Variants in GRIN2A observed in about 807,000 individuals in gnomAD.
GRIN2A encodes glutamate receptor ionotropic, NMDA 2A.
In GRIN2A, 22 loss-of-function variants were observed where a neutral mutation model predicts 113.4. That is an observed-to-expected ratio of 0.19 (90% CI 0.14 to 0.28). GRIN2A has a LOEUF of 0.28. Ranked by LOEUF, GRIN2A falls within the 10% of genes least tolerant of loss-of-function variation. The pLI is 1.00. For synonymous variants in GRIN2A, 827 were observed against 738.4 expected (o/e 1.12, Z -1.94); for missense variants, 1,502 against 1,887.0 (o/e 0.80, Z 3.78).
intron 4 of GRIN2A, among the ~76,000 whole-genome samples, chr16:9,859,304 G>A (rs145484655): frequency 6.6e-6 from 1 of 152,102 alleles, no homozygotes; most frequent in African/African-American, 2.4e-5. Flanking sequence ...TTCCTCTTGT[G>A]TATAGGAAGT....
At chr16:9,949,327 G>A (rs779907325) in intron 2 of GRIN2A, among the ~76,000 whole-genome samples, 1 of 152,194 alleles carries the variant, frequency 6.6e-6, no homozygotes, top group Non-Finnish European at 1.5e-5. Flanking sequence ...ATGCATGGAT[G>A]GATGGACGGA....
At chr16:9,806,254 G>T (rs1015973018) in intron 10 of GRIN2A, among the ~76,000 whole-genome samples, 2 of 152,108 alleles carry the variant, frequency 1.3e-5, no homozygotes, top group Non-Finnish European at 2.9e-5. Context: ...CTGCCATTTT[G>T]AGTTTTCTTT....
At chr16:9,772,435 G>A (rs766904343) in intron 11 of GRIN2A, among the ~76,000 whole-genome samples, 1 of 152,134 alleles carries the variant, frequency 6.6e-6, no homozygotes, top group Non-Finnish European at 1.5e-5. Flanking sequence ...GCAGTGGTGC[G>A]ATCATAACTC....
chr16:10,075,148 C>G lies in GRIN2A; in HGVS notation c.414+104850G>C, dbSNP rs115142012. Among the ~76,000 whole-genome samples the G allele has an allele frequency of 6.1e-3, 926 of 152,188 alleles. 11 individuals carry two copies. The highest frequency in any genetic ancestry group is 0.021 in the African/African-American group (881 of 41,506). On this transcript the variant is annotated intron_variant, in intron 2 of 12. Transcript: ENST00000330684. ...GTCCTCTCCTATGCAGTTTCCTCAT[C>G]TGCATGTCGGGGAATATAATGGTAT...
chr16:10,146,269 TA>T (rs1454004481), intron 2 of GRIN2A, among the ~76,000 whole-genome samples: 1 of 152,092 alleles, frequency 6.6e-6, no homozygotes, highest in Non-Finnish European at 1.5e-5. Flanking sequence ...AGGCGTGTGC[TA>T]CCACGCCCGA....
At chr16:10,160,731 CT>C (rs2049793398) in intron 2 of GRIN2A, among the ~76,000 whole-genome samples, 1 of 152,196 alleles carries the variant, frequency 6.6e-6, no homozygotes, top group Non-Finnish European at 1.5e-5. Context: ...AAAACTTGAT[CT>C]CAATATATTG....
At chr16:10,163,560 C>T (rs909228121) in intron 2 of GRIN2A, among the ~76,000 whole-genome samples, 1 of 152,148 alleles carries the variant, frequency 6.6e-6, no homozygotes, top group Non-Finnish European at 1.5e-5. Flanking sequence ...TGAAATGCTT[C>T]CGTTTTGCTT....
At chr16:10,079,755 C>A (rs2047943467) in intron 2 of GRIN2A, among the ~76,000 whole-genome samples, 1 of 152,130 alleles carries the variant, frequency 6.6e-6, no homozygotes, top group Non-Finnish European at 1.5e-5. Flanking sequence ...TACAAGCTAC[C>A]CAGTTTATGA....
chr16:10,031,987 G>A (rs143866797), intron 2 of GRIN2A, among the ~76,000 whole-genome samples: 1 of 152,198 alleles, frequency 6.6e-6, no homozygotes, highest in Non-Finnish European at 1.5e-5. Flanking sequence ...CTCAGTTTCA[G>A]CCCATGTCCT....
chr16:9,806,559 G>T (rs1005860357), intron 10 of GRIN2A, among the ~76,000 whole-genome samples: 16 of 152,070 alleles, frequency 1.1e-4, no homozygotes, highest in African/African-American at 3.4e-4. Flanking sequence ...AAGGGGAGAG[G>T]ATAGAAGAGA....
At chr16:9,876,646 C>G (rs2043372102) in intron 4 of GRIN2A, among the ~76,000 whole-genome samples, 1 of 152,170 alleles carries the variant, frequency 6.6e-6, no homozygotes, top group African/African-American at 2.4e-5. Flanking sequence ...GTCATCTCTG[C>G]TTCGCCTGTA....
At chr16:9,795,191 G>A (rs1902900420) in intron 11 of GRIN2A, among the ~76,000 whole-genome samples, 1 of 152,152 alleles carries the variant, frequency 6.6e-6, no homozygotes, top group Non-Finnish European at 1.5e-5. Context: ...TGAGATAGGA[G>A]GTGGGCAAAA....
chr16:9,790,709 G>T (rs1280732252), intron 11 of GRIN2A, among the ~76,000 whole-genome samples: 1 of 152,062 alleles, frequency 6.6e-6, no homozygotes, highest in South Asian at 2.1e-4. Flanking sequence ...TCTCTCTAGA[G>T]GTATCTAGTG....
At chr16:9,903,396 G>A (rs2043971588) in intron 3 of GRIN2A, among the ~76,000 whole-genome samples, 1 of 152,112 alleles carries the variant, frequency 6.6e-6, no homozygotes, top group Non-Finnish European at 1.5e-5. Context: ...CTTCCCTTCT[G>A]TCATTTATGT....
intron 4 of GRIN2A, among the ~76,000 whole-genome samples, chr16:9,880,983 C>G (rs2043469512): frequency 6.6e-6 from 1 of 152,168 alleles, no homozygotes; most frequent in Admixed American, 6.5e-5. Flanking sequence ...GTCTTATCTG[C>G]CTTGCAACCC....
chr16:9,915,185 C>T (rs1306771512), intron 3 of GRIN2A, among the ~76,000 whole-genome samples: 1 of 151,738 alleles, frequency 6.6e-6, no homozygotes, highest in African/African-American at 2.4e-5. Flanking sequence ...ATCCGCCCGC[C>T]TCAGCCTCCG....
intron 2 of GRIN2A, among the ~76,000 whole-genome samples, chr16:10,109,028 A>AC (rs1282459365): frequency 6.6e-6 from 1 of 150,444 alleles, no homozygotes; most frequent in African/African-American, 2.5e-5. Flanking sequence ...AAAAAAAAAA[A>AC]AAAAAAACAA....
chr16:9,811,060 C>G (rs2042077684), intron 10 of GRIN2A, among the ~76,000 whole-genome samples: 1 of 152,174 alleles, frequency 6.6e-6, no homozygotes, highest in Non-Finnish European at 1.5e-5. Context: ...ACATTAACAC[C>G]ATGACCTTTT....
At chr16:10,043,264 G>A (rs1375366520) in intron 2 of GRIN2A, among the ~76,000 whole-genome samples, 2 of 152,226 alleles carry the variant, frequency 1.3e-5, no homozygotes, top group Middle Eastern at 3.4e-3. Context: ...AGGTCACATA[G>A]CTAGTGAGAG....
Sources: gnomAD v4.1 joint callset for allele counts (sites outside exome capture counted in the v4.1 genomes callset) on GRCh38, gnomAD v4.1.1 for gene constraint, MANE v1.5 for transcripts, NCBI Gene and HGNC (gene_info 2026-07-23, HGNC 2026-07-21) for gene names.